FAAH2: variants seen among roughly 807,000 people sequenced by gnomAD.
FAAH2 encodes fatty-acid amide hydrolase 2.
In FAAH2, 60 loss-of-function variants were observed where a neutral mutation model predicts 36.9. The ratio of observed to expected loss-of-function variants is 1.63; its 90% CI spans 1.32 to 2.02. The LOEUF (loss-of-function observed/expected upper bound fraction) is 2.02, where lower values mean the gene tolerates loss of function less well. Among genes scored for constraint, FAAH2 ranks in the 30% most tolerant of loss-of-function variants. The pLI, the probability that FAAH2 is intolerant of heterozygous loss-of-function variation, is 0.00. For missense variants in FAAH2, 689 were observed against 397.5 expected, an observed-to-expected ratio of 1.73 and a Z score of -6.23; for synonymous variants, 214 against 143.8, an observed-to-expected ratio of 1.49 and a Z score of -3.49.
chrX:57,488,657 A>G lies in FAAH2; in HGVS notation c.1424-100A>G, dbSNP rs746981191. The G allele has an allele frequency of 2.4e-3, 1,952 of 824,656 alleles. 1 individual carries two copies. Among genetic ancestry groups the G allele is most frequent in the Non-Finnish European group, 3.1e-3 (1,818 of 589,155 alleles). 68.0% of individuals were successfully genotyped at this position (824,656 alleles called of 1,213,427 possible). On this transcript the variant is annotated intron_variant, in intron 10 of 10. Coordinates refer to ENST00000374900, the MANE Select transcript of FAAH2 (RefSeq NM_174912.4). The stretch of plus-strand genomic sequence containing the variant: ...AGTCCTAAGTAGATAGTAAATTATA[A>G]TTATATATTTTCACCTATTTATTAT...
At chrX:57,480,433 TG>T (rs1318502168) in intron 10 of FAAH2, among the ~76,000 whole-genome samples, 1 of 111,968 alleles carries the variant, frequency 8.9e-6, no homozygotes, top group African/African-American at 3.2e-5. Context: ...GCTGGTTTGG[TG>T]GTGACAAAGT....
the FAAH2 span, among the ~76,000 whole-genome samples, chrX:57,151,530 C>A: frequency 2.7e-5 from 3 of 111,803 alleles, no homozygotes; most frequent in African/African-American, 6.5e-5. Context: ...ATCGTTGATA[C>A]CCTTTCTTCC....
chrX:57,459,155 C>A (rs946325851), intron 10 of FAAH2, among the ~76,000 whole-genome samples: 2 of 112,204 alleles, frequency 1.8e-5, no homozygotes, highest in African/African-American at 6.5e-5. Flanking sequence ...GAGGGGCATC[C>A]GCCATTACTG....
At chrX:57,401,609 G>A (rs1362613813) in intron 7 of FAAH2, among the ~76,000 whole-genome samples, 1 of 111,526 alleles carries the variant, frequency 9.0e-6, no homozygotes, top group Admixed American at 9.5e-5. Context: ...GTTTTACTAG[G>A]CCTTGGGCTT....
intron 10 of FAAH2, among the ~76,000 whole-genome samples, chrX:57,455,840 C>T (rs2056856126): frequency 8.9e-6 from 1 of 111,768 alleles, no homozygotes; most frequent in Non-Finnish European, 1.9e-5. Flanking sequence ...ATTTAGACAG[C>T]CACAAATAAT....
chrX:57,308,764 C>T (rs2052613348), intron 2 of FAAH2, among the ~76,000 whole-genome samples: 1 of 111,530 alleles, frequency 9.0e-6, no homozygotes, highest in Non-Finnish European at 1.9e-5. Flanking sequence ...AAAAAATCCT[C>T]CTTTTTAGAA....
chrX:57,406,898 C>G (rs2055580139), intron 7 of FAAH2, among the ~76,000 whole-genome samples: 1 of 112,565 alleles, frequency 8.9e-6, no homozygotes, highest in African/African-American at 3.2e-5. Context: ...TGCACCAGCC[C>G]CCAGTGGGAA....
rs935574243 is a variant in FAAH2 at position 57,438,520 on chromosome X, C to G, written c.1116+6483C>G. Among the ~76,000 whole-genome samples, 7 of 110,194 alleles carry G rather than the reference C, an allele frequency of 6.4e-5. No homozygotes were observed. The East Asian group carries it at 1.1e-3, about 18-fold the overall frequency. On this transcript the variant is annotated intron_variant, in intron 8 of 10. Transcript: ENST00000374900. ...TTACCATACTGCTCTAAGCAATCTA[C>G]AGATTTAATACTTTTCCTATCATAA...
At chrX:57,165,590 A>C in the FAAH2 span, among the ~76,000 whole-genome samples, 159 of 111,237 alleles carry the variant, frequency 1.4e-3, no homozygotes, top group African/African-American at 4.9e-3. Flanking sequence ...ACCTAATGCT[A>C]GATGATGAGT....
chrX:57,349,095 A>T (rs1422836246), intron 5 of FAAH2, among the ~76,000 whole-genome samples: 1 of 97,312 alleles, frequency 1.0e-5, no homozygotes, highest in Non-Finnish European at 2.0e-5. Context: ...TATATATATT[A>T]TATATATAAT....
the FAAH2 span, among the ~76,000 whole-genome samples, chrX:57,195,205 C>T: frequency 4.5e-5 from 5 of 111,837 alleles, no homozygotes; most frequent in African/African-American, 6.5e-5. Flanking sequence ...CCATAGTGAT[C>T]GTACTAGTTT....
intron 4 of FAAH2, among the ~76,000 whole-genome samples, chrX:57,337,994 TC>T (rs1305697719): frequency 1.8e-5 from 2 of 111,955 alleles, no homozygotes; most frequent in Admixed American, 1.9e-4. Context: ...TGATCATATA[TC>T]TAGAAAACCC....
chrX:57,288,058 A>T (rs909519481), intron 1 of FAAH2, among the ~76,000 whole-genome samples: 3 of 111,023 alleles, frequency 2.7e-5, no homozygotes, highest in Non-Finnish European at 5.7e-5. Context: ...AGTAATTGTG[A>T]TTTTGTAATT....
chrX:57,403,462 G>A (rs200998329), intron 7 of FAAH2, among the ~76,000 whole-genome samples: 3 of 112,707 alleles, frequency 2.7e-5, no homozygotes, highest in East Asian at 2.8e-4. Flanking sequence ...ACTCAGGGGC[G>A]AGTTCTAGAG....
At chrX:57,204,003 G>A in the FAAH2 span, among the ~76,000 whole-genome samples, 1 of 111,300 alleles carries the variant, frequency 9.0e-6, no homozygotes, top group African/African-American at 3.3e-5. Context: ...GTATTTCTTA[G>A]CATTTCTACC....
At chrX:57,322,072 A>G (rs2053041237) in intron 3 of FAAH2, among the ~76,000 whole-genome samples, 1 of 108,534 alleles carries the variant, frequency 9.2e-6, no homozygotes, top group South Asian at 4.0e-4. Flanking sequence ...AGTCTCGCTC[A>G]GCTCACTGCA....
chrX:57,358,099 A>T (rs1468661185), intron 5 of FAAH2, among the ~76,000 whole-genome samples: 1 of 110,380 alleles, frequency 9.1e-6, no homozygotes, highest in Non-Finnish European at 1.9e-5. Flanking sequence ...TTGGCTTTAT[A>T]GTGTTCTTCT....
At chrX:57,312,212 A>G (rs2052714153) in intron 3 of FAAH2, among the ~76,000 whole-genome samples, 1 of 112,592 alleles carries the variant, frequency 8.9e-6, no homozygotes. Context: ...GCATGCCTGC[A>G]TACTAAGGGA....
At chrX:57,253,559 A>G in the FAAH2 span, among the ~76,000 whole-genome samples, 9 of 112,023 alleles carry the variant, frequency 8.0e-5, no homozygotes, top group Admixed American at 6.6e-4. Flanking sequence ...CATCAAACGA[A>G]CAGTGGATCT....
Sources: allele counts gnomAD v4.1 joint callset (sites outside exome capture counted in the v4.1 genomes callset), GRCh38; gene constraint gnomAD v4.1.1; transcripts MANE v1.5; gene names NCBI Gene and HGNC (gene_info 2026-07-23, HGNC 2026-07-21).